Variants in THSD7B observed in about 807,000 individuals in gnomAD.
THSD7B encodes the protein thrombospondin type 1 domain containing 7B.
THSD7B carries 138 observed loss-of-function variants against 213.6 expected under a neutral mutation model. The observed-to-expected ratio is 0.65, with a 90% CI of 0.56 to 0.74. The LOEUF (loss-of-function observed/expected upper bound fraction) is 0.74. Ranked by LOEUF, THSD7B falls within the 30% of genes least tolerant of loss-of-function variation. THSD7B has a pLI of 0.00. For synonymous variants in THSD7B, 742 were observed against 687.0 expected (o/e 1.08, Z -1.25); for missense variants, 1,931 against 1,991.5 (o/e 0.97, Z 0.58).
chr2:137,199,825 T>C (rs550176792), intron 7 of THSD7B, among the ~76,000 whole-genome samples: 7 of 152,298 alleles, frequency 4.6e-5, no homozygotes, highest in African/African-American at 1.7e-4. Flanking sequence ...TGAACTTTAC[T>C]TGATAATAGG....
At chr2:137,043,242 T>A (rs1265610427) in intron 2 of THSD7B, among the ~76,000 whole-genome samples, 1 of 152,182 alleles carries the variant, frequency 6.6e-6, no homozygotes, top group Non-Finnish European at 1.5e-5. Context: ...ACCGCCAGGG[T>A]CCCCAATTAT....
intron 15 of THSD7B, among the ~76,000 whole-genome samples, chr2:137,519,687 G>A (rs541480901): frequency 6.6e-6 from 1 of 152,246 alleles, no homozygotes; most frequent in East Asian, 1.9e-4. Context: ...GACAAGTCTG[G>A]GGCTGAGGCT....
intron 7 of THSD7B, among the ~76,000 whole-genome samples, chr2:137,181,932 T>C (rs796398737): frequency 1.3e-5 from 2 of 152,300 alleles, no homozygotes; most frequent in African/African-American, 4.8e-5. Context: ...AATTTTAATA[T>C]TAAAATTTAA....
chr2:137,313,977 T>G (rs966240793), intron 12 of THSD7B, among the ~76,000 whole-genome samples: 46 of 152,196 alleles, frequency 3.0e-4, no homozygotes, highest in Admixed American at 1.0e-3. Context: ...ATCTGACAAT[T>G]ATGTGTCTTG....
intron 25 of THSD7B, 95 bp downstream of exon 25, chr2:137,659,841 A>G: frequency 1.7e-6 from 2 of 1,191,198 alleles, no homozygotes; most frequent in Non-Finnish European, 2.4e-6. Flanking sequence ...CCCAAGCAGC[A>G]GTTCCACGTG....
intron 2 of THSD7B, among the ~76,000 whole-genome samples, chr2:136,979,689 A>T (rs1183328766): frequency 6.6e-6 from 1 of 152,076 alleles, no homozygotes; most frequent in Non-Finnish European, 1.5e-5. Flanking sequence ...ATGTTTTATC[A>T]TGGTTCTTGG....
At position 136,845,594 on chromosome 2, in the gene THSD7B, A is replaced by G. The variant is rs542656023; in HGVS notation, c.-35-36550A>G. Among the ~76,000 whole-genome samples, 17 of 152,324 alleles carry G rather than the reference A, an allele frequency of 1.1e-4. No individual in the cohort carries two copies. In the South Asian group the frequency reaches 3.3e-3, roughly 30 times the overall value. ...GAGGCAGGTACAAGTCATTGTTTAA[A>G]TATAAATTCTTTTCATTTTGGGGGT... On this transcript the variant is annotated intron_variant, in intron 1 of 27. Coordinates refer to ENST00000409968, the MANE Select transcript of THSD7B (RefSeq NM_001316349.2).
chr2:136,904,295 A>C (rs1377450475), intron 2 of THSD7B, among the ~76,000 whole-genome samples: 1 of 152,034 alleles, frequency 6.6e-6, no homozygotes, highest in Non-Finnish European at 1.5e-5. Context: ...TGTCTGAGTA[A>C]ATGAGTCATC....
intron 14 of THSD7B, among the ~76,000 whole-genome samples, chr2:137,430,052 G>C (rs1405979827): frequency 6.6e-6 from 1 of 151,962 alleles, no homozygotes; most frequent in Non-Finnish European, 1.5e-5. Context: ...AGACCAGCCT[G>C]GGCAACATAA....
chr2:137,396,787 G>C (rs1239974522), intron 12 of THSD7B, among the ~76,000 whole-genome samples: 5 of 151,404 alleles, frequency 3.3e-5, no homozygotes, highest in Non-Finnish European at 5.9e-5. Context: ...CATTATTAAT[G>C]TGTGGGAGTC....
At chr2:136,836,396 G>A (rs1403254943) in intron 1 of THSD7B, among the ~76,000 whole-genome samples, 3 of 152,138 alleles carry the variant, frequency 2.0e-5, no homozygotes, top group African/African-American at 7.2e-5. Flanking sequence ...AGGTCCATAT[G>A]CATGCAGTAT....
At chr2:136,999,438 G>A (rs761941213) in intron 2 of THSD7B, among the ~76,000 whole-genome samples, 2 of 151,692 alleles carry the variant, frequency 1.3e-5, no homozygotes, top group Non-Finnish European at 2.9e-5. Context: ...AAGTAATGTA[G>A]GGTGATAGAT....
At chr2:137,309,443 C>G (rs181080155) in intron 12 of THSD7B, among the ~76,000 whole-genome samples, 1 of 151,094 alleles carries the variant, frequency 6.6e-6, no homozygotes, top group African/African-American at 2.4e-5. Context: ...TCCTTATGAA[C>G]TTATTTGTTT....
intron 25 of THSD7B, among the ~76,000 whole-genome samples, chr2:137,662,050 GTTTTCTT>G (rs1308678403): frequency 2.7e-5 from 4 of 146,806 alleles, no homozygotes; most frequent in Non-Finnish European, 4.5e-5. Flanking sequence ...AGCTTCAGGT[GTTTTCTT>G]TTTTCTTTTT....
chr2:137,652,916 G>T (rs371971278), intron 21 of THSD7B, among the ~76,000 whole-genome samples: 31 of 152,182 alleles, frequency 2.0e-4, no homozygotes, highest in African/African-American at 7.5e-4. Context: ...TTCTTAGGTT[G>T]CTGTAGCTGT....
chr2:137,021,167 G>T (rs1206498248), intron 2 of THSD7B, among the ~76,000 whole-genome samples: 1 of 152,108 alleles, frequency 6.6e-6, no homozygotes, highest in East Asian at 1.9e-4. Flanking sequence ...CTCAAATTTG[G>T]CTACATTTTT....
intron 2 of THSD7B, among the ~76,000 whole-genome samples, chr2:137,014,530 G>A (rs1686299763): frequency 6.6e-6 from 1 of 152,112 alleles, no homozygotes; most frequent in Non-Finnish European, 1.5e-5. Context: ...TTTCTTAAAG[G>A]CATTCCTGTG....
chr2:137,479,382 GGGCTTGGTGGGCCTGTCCTCT>G (rs1193211293), intron 15 of THSD7B: 1 of 239,454 alleles, frequency 4.2e-6, no homozygotes, highest in Non-Finnish European at 8.8e-6. Context: ...CTGTGGAGCT[GGGCTTGGTGGGCCTGTCCTCT>G]GGCTTCCCAG....
intron 15 of THSD7B, among the ~76,000 whole-genome samples, chr2:137,493,807 T>C (rs1679491428): frequency 6.6e-6 from 1 of 152,198 alleles, no homozygotes; most frequent in Admixed American, 6.5e-5. Context: ...ATCAGATGTA[T>C]TTTAAGAAGA....
Sources: gnomAD v4.1 joint callset for allele counts (sites outside exome capture counted in the v4.1 genomes callset) on GRCh38, gnomAD v4.1.1 for gene constraint, MANE v1.5 for transcripts, NCBI Gene and HGNC (gene_info 2026-07-23, HGNC 2026-07-21) for gene names.